The following TMEM132C variants were observed in gnomAD, a reference collection of about 807,000 sequenced individuals.
TMEM132C encodes transmembrane protein 132C, also known as protein phosphatase 1, regulatory subunit 152.
A neutral mutation model predicts 61.4 loss-of-function variants in TMEM132C; 29 were observed. That is an observed-to-expected ratio of 0.47 (90% confidence interval 0.35 to 0.64). TMEM132C has a LOEUF of 0.64. Among genes scored for constraint, TMEM132C ranks in the 30% least tolerant of loss-of-function variants. The pLI, the probability that TMEM132C is intolerant of heterozygous loss-of-function variation, is 0.00. For missense variants in TMEM132C, 1,408 were observed against 1,476.9 expected (o/e 0.95, Z 0.76); for synonymous variants, 656 against 633.1 (o/e 1.04, Z -0.54).
intron 3 of TMEM132C, among the ~76,000 whole-genome samples, chr12:128,573,463 G>C (rs1874973723): frequency 1.3e-5 from 2 of 151,778 alleles, no homozygotes; most frequent in South Asian, 4.2e-4. Context: ...GGGGTGGGGG[G>C]AGTGGGGAGG....
rs144324568 is a variant in TMEM132C, at chr12:128,527,782, A to G, written c.975-16175A>G. Among the ~76,000 whole-genome samples, 43 of 152,094 alleles carry G rather than the reference A, an allele frequency of 2.8e-4. 1 individual carries two copies. Among genetic ancestry groups the G allele is most frequent in the African/African-American group, 1.0e-3 (43 of 41,506 alleles). On this transcript the variant is annotated intron_variant, in intron 2 of 8. Transcript: ENST00000435159. ...CCATAGTGGAAAAAAGCATGGCATC[A>G]GGGCAATATTTTCAAGCCAACACTT...
intron 4 of TMEM132C, among the ~76,000 whole-genome samples, chr12:128,642,642 A>G (rs979428816): frequency 1.3e-4 from 20 of 152,150 alleles, no homozygotes; most frequent in African/African-American, 4.6e-4. Context: ...TCCTCCCTGA[A>G]TAAAAGCTTT....
At chr12:128,522,187 C>T (rs1336978118) in intron 2 of TMEM132C, among the ~76,000 whole-genome samples, 1 of 152,184 alleles carries the variant, frequency 6.6e-6, no homozygotes, top group Non-Finnish European at 1.5e-5. Flanking sequence ...TTTGGACGTA[C>T]CCTTGTAACA....
intron 1 of TMEM132C, among the ~76,000 whole-genome samples, chr12:128,273,466 G>T (rs1870586625): frequency 1.3e-5 from 2 of 152,020 alleles, no homozygotes; most frequent in Admixed American, 1.3e-4. Flanking sequence ...GCAGCATATA[G>T]TTGGGTTTCA....
At chr12:128,298,368 T>A (rs916874618) in intron 1 of TMEM132C, among the ~76,000 whole-genome samples, 12 of 151,730 alleles carry the variant, frequency 7.9e-5, no homozygotes, top group African/African-American at 2.9e-4. Context: ...AAAATGTTCT[T>A]CCTACAGGGC....
rs1555222005 is a variant in TMEM132C, at chr12:128,392,064, T to TCTCTCTCTCTC, written c.86-22668_86-22667insCTCTCTCTCTC. On this transcript the variant is annotated intron_variant, in intron 1 of 8. Transcript: ENST00000435159. ...TCTCTCTGTCTCTGTCTCTCTCTCTTTCTCTCTCTCTCTCTCTCTCTCTCT... is the reference window on the plus strand; with the variant it reads ...TCTCTCTGTCTCTGTCTCTCTCTCTTCTCTCTCTCTCTCTCTCTCTCTCTCTCTCTCTCTCT... Among the ~76,000 whole-genome samples the TCTCTCTCTCTC allele has an allele frequency of 7.4e-4, 96 of 130,526 alleles. 1 individual carries two copies. The highest frequency in any genetic ancestry group is 3.0e-3 in the African/African-American group (92 of 30,596). The allele number at this position is 130,526 out of a possible 152,430, so 85.6% of individuals were successfully genotyped here. A position where few individuals can be genotyped will look rare whatever the true frequency, so the allele number is the denominator to read the frequency against.
At chr12:128,352,567 C>T (rs928106370) in intron 1 of TMEM132C, among the ~76,000 whole-genome samples, 1 of 152,134 alleles carries the variant, frequency 6.6e-6, no homozygotes, top group African/African-American at 2.4e-5. Flanking sequence ...AATGTTTGAC[C>T]AAATATCTGG....
At chr12:128,358,525 G>GTGTGTGTGTC (rs768125638) in intron 1 of TMEM132C, among the ~76,000 whole-genome samples, 2 of 151,510 alleles carry the variant, frequency 1.3e-5, no homozygotes, top group South Asian at 4.2e-4. Flanking sequence ...GTGTGTGTGT[G>GTGTGTGTGTC]TCTAGTGCAT....
At chr12:128,489,296 C>T (rs1344734269) in intron 2 of TMEM132C, among the ~76,000 whole-genome samples, 1 of 151,880 alleles carries the variant, frequency 6.6e-6, no homozygotes, top group Non-Finnish European at 1.5e-5. Context: ...GTTTTTCTAA[C>T]TCACCTTGAC....
At chr12:128,546,316 T>A (rs1485859562) in intron 3 of TMEM132C, among the ~76,000 whole-genome samples, 7 of 152,158 alleles carry the variant, frequency 4.6e-5, no homozygotes. Context: ...AATTAACCTG[T>A]AAGATTAGTG....
At chr12:128,315,021 T>G (rs942903912) in intron 1 of TMEM132C, among the ~76,000 whole-genome samples, 1 of 152,152 alleles carries the variant, frequency 6.6e-6, no homozygotes, top group Non-Finnish European at 1.5e-5. Flanking sequence ...TTGAAAAACA[T>G]TAAAGCAGGC....
At chr12:128,370,819 A>G (rs752772923) in intron 1 of TMEM132C, among the ~76,000 whole-genome samples, 12 of 152,072 alleles carry the variant, frequency 7.9e-5, no homozygotes, top group Non-Finnish European at 1.6e-4. Flanking sequence ...ACTGGCAAAC[A>G]GTTTCCCATT....
intron 1 of TMEM132C, among the ~76,000 whole-genome samples, chr12:128,312,688 G>A (rs999888422): frequency 1.1e-4 from 17 of 152,270 alleles, no homozygotes; most frequent in Admixed American, 1.3e-4. Context: ...AAACAGACTC[G>A]CCCTGAGAGC....
intron 3 of TMEM132C, among the ~76,000 whole-genome samples, chr12:128,560,981 G>C (rs868771159): frequency 6.6e-6 from 1 of 152,176 alleles, no homozygotes; most frequent in Non-Finnish European, 1.5e-5. Flanking sequence ...TGTGCTGAAA[G>C]AAGGGCGCCC....
intron 3 of TMEM132C, among the ~76,000 whole-genome samples, chr12:128,558,405 A>T (rs1260298180): frequency 6.6e-6 from 1 of 152,050 alleles, no homozygotes; most frequent in Non-Finnish European, 1.5e-5. Context: ...GTCTCATGAG[A>T]TCTGATTGTT....
At chr12:128,698,289 G>A (rs1413693957) in intron 8 of TMEM132C, among the ~76,000 whole-genome samples, 1 of 152,188 alleles carries the variant, frequency 6.6e-6, no homozygotes, top group African/African-American at 2.4e-5. Context: ...AAGAGAGCAG[G>A]GAGAGTTATC....
intron 2 of TMEM132C, among the ~76,000 whole-genome samples, chr12:128,541,990 T>C (rs1371771540): frequency 3.9e-5 from 6 of 152,200 alleles, no homozygotes; most frequent in African/African-American, 1.2e-4. Context: ...CCATACCCAA[T>C]GTGAAGTCCT....
intron 1 of TMEM132C, among the ~76,000 whole-genome samples, chr12:128,295,765 G>A (rs1329451196): frequency 2.8e-5 from 4 of 145,074 alleles, no homozygotes; most frequent in Admixed American, 1.4e-4. Context: ...TCAGTTTTAA[G>A]CACCAATTAA....
chr12:128,637,243 A>G (rs1354710903), intron 4 of TMEM132C, among the ~76,000 whole-genome samples: 1 of 152,224 alleles, frequency 6.6e-6, no homozygotes, highest in Admixed American at 6.5e-5. Context: ...TACAATCCCC[A>G]CAGGAACAGT....
Sources: gnomAD v4.1 joint callset for allele counts (sites outside exome capture counted in the v4.1 genomes callset) on GRCh38, gnomAD v4.1.1 for gene constraint, MANE v1.5 for transcripts, NCBI Gene and HGNC (gene_info 2026-07-23, HGNC 2026-07-21) for gene names.